The following IKBKE variants were observed in gnomAD, a reference collection of about 807,000 sequenced individuals.
IKBKE encodes inhibitor of nuclear factor kappa-B kinase subunit epsilon.
Under a neutral mutation model 92.1 loss-of-function variants are expected in IKBKE, and 45 were observed. The ratio of observed to expected loss-of-function variants is 0.49; its 90% CI spans 0.38 to 0.63. The LOEUF (loss-of-function observed/expected upper bound fraction) is 0.63. IKBKE is among the 20% of genes least tolerant of loss of function. The pLI, the probability that IKBKE is intolerant of heterozygous loss-of-function variation, is 0.00. For missense variants in IKBKE, 700 were observed against 932.8 expected, an observed-to-expected ratio of 0.75 and a Z score of 3.25; for synonymous variants, 374 against 380.3, an observed-to-expected ratio of 0.98 and a Z score of 0.19.
rs782760912 is a variant in IKBKE, at chr1:206,493,327, C to T, written c.1994C>T (p.Pro665Leu). 4.2e-5 allele frequency: 68 copies of T among 1,613,794 alleles called. No homozygotes were observed. The highest frequency in any genetic ancestry group is 1.6e-4 in the Middle Eastern group (1 of 6,080). ...CGAGCAAAGGGGGCTCAGGCCTCGC[C>T]GCCTCCCATAGCTCCTTACCCCAGC... ...QDRAKGAQASPPPIAPYPSPT... is the reference protein window; with the variant it reads ...QDRAKGAQASLPPIAPYPSPT... The change falls in exon 20 of 22, where the codon CCG becomes CTG. Residue 665 changes from proline to leucine, a missense_variant. Pro to Leu is a moderately conservative substitution (Grantham distance 98). Coordinates refer to ENST00000581977, the MANE Select transcript of IKBKE (RefSeq NM_014002.4).
Position 206,476,731 on chromosome 1 carries a change from C to T in IKBKE, c.594C>T (p.Phe198=), listed in dbSNP as rs368978181. The T allele has an allele frequency of 2.8e-5, 45 of 1,614,220 alleles. 3 individuals are homozygous for T. The highest frequency in any genetic ancestry group is 2.6e-4 in the South Asian group (24 of 91,082). The change falls in exon 7 of 22, where the codon TTC becomes TTT. Residue 198 remains phenylalanine (F), a synonymous_variant. Transcript: ENST00000581977. This position sits in a 1 kb window ranked among gnomAD's most constrained non-coding sequence, Gnocchi z 5.1. ...AVLRKPQQKA[F]GVTVDLWSIG... Reference sequence around the variant, plus strand: ...TTCGAAAGCCCCAGCAAAAAGCGTTCGGGGTGACTGTGGATCTCTGGAGCA... The same window carrying T: ...TTCGAAAGCCCCAGCAAAAAGCGTTTGGGGTGACTGTGGATCTCTGGAGCA...
intron 12 of IKBKE, 31 bp downstream of exon 12, chr1:206,480,144 G>T: frequency 6.7e-7 from 1 of 1,500,674 alleles, no homozygotes. Flanking sequence ...GGCACAGAGG[G>T]GGAGGCGGGC....
intron 8 of IKBKE, 36 bp downstream of exon 8, chr1:206,477,895 C>T: frequency 7.3e-7 from 1 of 1,370,308 alleles, no homozygotes; most frequent in Non-Finnish European, 1.0e-6. Flanking sequence ...ATGCTGGAGT[C>T]TGAGCTGGGT....
chr1:206,488,977 T>C (rs1553389493), intron 16 of IKBKE, among the ~76,000 whole-genome samples: 1 of 152,008 alleles, frequency 6.6e-6, no homozygotes, highest in Non-Finnish European at 1.5e-5. Context: ...ATCTTCAAAA[T>C]CCCACGTGTA....
At chr1:206,492,803 C>A (rs1666020633) in intron 18 of IKBKE, 1 of 664,180 alleles carries the variant, frequency 1.5e-6, no homozygotes, top group Non-Finnish European at 2.8e-6. Context: ...CACACTACGG[C>A]TCTGAAGGGG....
At chr1:206,492,012 G>T (rs41299856) in intron 18 of IKBKE, 243 of 381,676 alleles carry the variant, frequency 6.4e-4, no homozygotes, top group African/African-American at 4.3e-3. Context: ...GAGGCTCTGA[G>T]AACAGGTCTC....
In IKBKE at chr1:206,476,051, C is replaced by G; in HGVS notation, c.359-130C>G. ...GCATGTCTCTGTCCTTCTGCCTGTC[C>G]CATGGCTCTGTCAGCCCATGGGAAC... On this transcript the variant is annotated intron_variant, in intron 5 of 21. Transcript: ENST00000581977. The surrounding 1 kb of genome is among the most constrained non-coding windows in gnomAD (Gnocchi z 5.1). 1.3e-6 allele frequency: 1 copy of G among 796,776 alleles called. No homozygotes were observed. The highest frequency in any genetic ancestry group is 2.1e-6 in the Non-Finnish European group (1 of 483,172). The allele number at this position is 796,776 out of a possible 1,614,324, so 49.4% of individuals were successfully genotyped here. A position where few individuals can be genotyped will look rare whatever the true frequency, so the allele number is the denominator to read the frequency against.
intron 4 of IKBKE, 89 bp from the exon 5 acceptor site, chr1:206,474,776 G>A (rs1553384755): frequency 6.7e-7 from 1 of 1,491,802 alleles, no homozygotes; most frequent in South Asian, 1.3e-5. Context: ...GGAGAATGGG[G>A]GCTCTGGGCT....
intron 16 of IKBKE, 38 bp downstream of exon 16, chr1:206,488,028 C>A (rs2103477770): frequency 6.8e-7 from 1 of 1,467,946 alleles, no homozygotes; most frequent in Non-Finnish European, 9.5e-7. Flanking sequence ...TCTCTCTCCT[C>A]TGTCTCCCTT....
At position 206,494,895 on chromosome 1, in the gene IKBKE, C is replaced by T. The variant is rs41299884; in HGVS notation, c.2117+904C>T. Among the ~76,000 whole-genome samples the T allele has an allele frequency of 1.8e-3, 273 of 151,030 alleles. 1 individual carries two copies. Among genetic ancestry groups the T allele is most frequent in the African/African-American group, 6.2e-3 (253 of 41,122 alleles). On this transcript the variant is annotated intron_variant, in intron 21 of 21. Coordinates refer to ENST00000581977, the MANE Select transcript of IKBKE (RefSeq NM_014002.4). ...CTGGGATTACAGACATGAACCACTG[C>T]GCCCGGCTACGTACCAGTATAGTTC...
chr1:206,481,194 A>G (rs2103465321), intron 13 of IKBKE, among the ~76,000 whole-genome samples: 1 of 152,310 alleles, frequency 6.6e-6, no homozygotes, highest in Non-Finnish European at 1.5e-5. Context: ...CAGCACCCCA[A>G]ATCCTGGAAG....
At chr1:206,489,379 A>G (rs781948524) in intron 16 of IKBKE, among the ~76,000 whole-genome samples, 3,920 of 130,192 alleles carry the variant, frequency 0.03, 121 homozygotes, top group African/African-American at 0.092. Flanking sequence ...GTATATATAT[A>G]TATATATATA....
intron 13 of IKBKE, among the ~76,000 whole-genome samples, chr1:206,483,726 C>T (rs1180935710): frequency 1.3e-5 from 2 of 152,204 alleles, no homozygotes; most frequent in East Asian, 1.9e-4. Context: ...GGTTATCACA[C>T]CTTAGGAGTA....
chr1:206,486,335 G>A (rs566974480), intron 15 of IKBKE, among the ~76,000 whole-genome samples: 10 of 152,186 alleles, frequency 6.6e-5, no homozygotes, highest in Non-Finnish European at 1.5e-4. Flanking sequence ...CCTTTTGGAT[G>A]AAGGCTGCAG....
chr1:206,491,792 G>T, intron 18 of IKBKE, 43 bp downstream of exon 18: 1 of 1,418,830 alleles, frequency 7.0e-7, no homozygotes, highest in South Asian at 1.2e-5. Flanking sequence ...GGCCTGGCCT[G>T]GCCCTTCTAG....
intron 3 of IKBKE, 67 bp downstream of exon 3, chr1:206,473,381 C>A: frequency 8.6e-7 from 1 of 1,159,044 alleles, no homozygotes; most frequent in Non-Finnish European, 1.3e-6. Flanking sequence ...CAGAAGCTGG[C>A]CCAGTCAGCC....
In IKBKE at chr1:206,487,979, G is replaced by A. The variant is rs1553389225; in HGVS notation, c.1682G>A (p.Arg561Lys). 1 of 1,613,248 alleles carries A rather than the reference G, an allele frequency of 6.2e-7. No individual in the cohort carries two copies. Among genetic ancestry groups the A allele is most frequent in the South Asian group, 1.1e-5 (1 of 90,898 alleles). ...NFIYKQFKKSRMRPGLGYNEE... is the reference protein window; with the variant it reads ...NFIYKQFKKSKMRPGLGYNEE... Reference sequence around the variant, plus strand: ...ATCTACAAACAGTTCAAGAAGTCTAGGATGAGGCCAGGTGAGCCCGGGGAG... The same window carrying A: ...ATCTACAAACAGTTCAAGAAGTCTAAGATGAGGCCAGGTGAGCCCGGGGAG... The change falls in exon 16 of 22, where the codon AGG becomes AAG. Residue 561 changes from arginine to lysine, a missense_variant. Arg to Lys is a conservative substitution (Grantham distance 26, BLOSUM62 2). Transcript: ENST00000581977. The surrounding 1 kb of genome is among the most constrained non-coding windows in gnomAD (Gnocchi z 5.3).
At chr1:206,489,652 T>G (rs1454557023) in intron 16 of IKBKE, among the ~76,000 whole-genome samples, 1 of 151,924 alleles carries the variant, frequency 6.6e-6, no homozygotes, top group Non-Finnish European at 1.5e-5. Context: ...GAGACTGCAG[T>G]GAGCTAAGAT....
In IKBKE at chr1:206,478,144, T is replaced by C. The variant is rs1475964903; in HGVS notation, c.813-16T>C. 9.4e-6 allele frequency: 15 copies of C among 1,599,818 alleles called. No homozygotes were observed. In the East Asian group the frequency reaches 2.9e-4, roughly 31 times the overall value. On this transcript the variant is annotated splice_polypyrimidine_tract_variant and intron_variant, in intron 8 of 21. Coordinates refer to ENST00000581977, the MANE Select transcript of IKBKE (RefSeq NM_014002.4). The surrounding 1 kb of genome is among the most constrained non-coding windows in gnomAD (Gnocchi z 4.8). ...GGGCCCCCACCCCTGACAGTCTCCA[T>C]GTCCTGGGAGGGCAGGGGGCTGCAG...
Sources: allele counts gnomAD v4.1 joint callset (sites outside exome capture counted in the v4.1 genomes callset), GRCh38; gene constraint gnomAD v4.1.1; non-coding constraint Gnocchi (gnomAD v3.1); transcripts MANE v1.5; gene names NCBI Gene and HGNC (gene_info 2026-07-23, HGNC 2026-07-21).